The following THADA variants were observed in gnomAD, a reference collection of about 807,000 sequenced individuals.
The protein encoded by THADA is tRNA (32-2'-O)-methyltransferase regulator THADA.
In THADA, 213 loss-of-function variants were observed where a neutral mutation model predicts 219.8. The ratio of observed to expected loss-of-function variants is 0.97; its 90% confidence interval spans 0.87 to 1.09. The LOEUF (loss-of-function observed/expected upper bound fraction) is 1.09. Ranked by LOEUF, THADA falls within the 50% of genes least tolerant of loss-of-function variation. The pLI is 0.00. For synonymous variants in THADA, 1,018 were observed against 828.9 expected, an observed-to-expected ratio of 1.23 and a Z score of -3.92; for missense variants, 2,956 against 2,311.3, an observed-to-expected ratio of 1.28 and a Z score of -5.72.
intron 22 of THADA, among the ~76,000 whole-genome samples, chr2:43,521,997 T>G (rs1471962795): frequency 6.6e-6 from 1 of 152,228 alleles, no homozygotes; most frequent in African/African-American, 2.4e-5. Context: ...CCTCAAACTC[T>G]TTCAGTATGA....
At chr2:43,501,264 C>G (rs1688919000) in intron 24 of THADA, among the ~76,000 whole-genome samples, 1 of 122,258 alleles carries the variant, frequency 8.2e-6, no homozygotes, top group South Asian at 2.7e-4. Flanking sequence ...CAAGATTGCA[C>G]CATTGCACTC....
At chr2:43,514,666 A>AATATATAATATATTATATTATATATAAT (rs1403252899) in intron 22 of THADA, among the ~76,000 whole-genome samples, 19 of 86,698 alleles carry the variant, frequency 2.2e-4, no homozygotes, top group African/African-American at 9.4e-4. Context: ...TGTATATAAT[A>AATATATAATATATTATATTATATATAAT]ATATATAATA....
chr2:43,567,002 CTATAT>C (rs1198355877), intron 14 of THADA, among the ~76,000 whole-genome samples, 181 bp from the exon 15 acceptor site: 1 of 151,882 alleles, frequency 6.6e-6, no homozygotes, highest in Non-Finnish European at 1.5e-5. Flanking sequence ...TGACCATAAG[CTATAT>C]TATGACTTTA....
At position 43,552,247 on chromosome 2, in the gene THADA, G is replaced by A. The variant is rs1174263513; in HGVS notation, c.2767C>T (p.Arg923Ter). 2 of 1,611,436 alleles carry A rather than the reference G, an allele frequency of 1.2e-6. No homozygotes were observed. Among genetic ancestry groups the A allele is most frequent in the African/African-American group, 1.3e-5 (1 of 74,806 alleles). The change falls in exon 18 of 38, where the codon CGA (arginine) becomes TGA (stop). Residue 923 changes from arginine to a stop codon, truncating the protein, a stop_gained. Transcript: ENST00000405975. LOFTEE classifies it high-confidence loss of function. Reference sequence around the variant, plus strand: ...AAAGCTCCTGTTATACAGTGGACTCGCCCATACATTGGAAATGCTGCTGCT... The same window carrying A: ...AAAGCTCCTGTTATACAGTGGACTCACCCATACATTGGAAATGCTGCTGCT... ...QAAAAFPMYG[R>*]VHCITGALQK...
chr2:43,329,511 A>G (rs967838023), intron 30 of THADA, among the ~76,000 whole-genome samples: 5 of 152,218 alleles, frequency 3.3e-5, no homozygotes, highest in African/African-American at 1.2e-4. Context: ...GATAATAACA[A>G]TATCAACATC....
chr2:43,368,368 C>A (rs75773767), intron 29 of THADA, among the ~76,000 whole-genome samples: 4 of 152,100 alleles, frequency 2.6e-5, no homozygotes, highest in Non-Finnish European at 4.4e-5. Context: ...CTCTCAACAT[C>A]GTTAGCCCCT....
At chr2:43,589,686 G>A (rs944432214) in intron 4 of THADA, among the ~76,000 whole-genome samples, 2 of 152,198 alleles carry the variant, frequency 1.3e-5, no homozygotes, top group Admixed American at 6.5e-5. Flanking sequence ...TCAGGGGAAA[G>A]GGTGGGAAGG....
rs567652610 is a variant in THADA, at chr2:43,322,599, C to T, written c.4344-2059G>A. ...ATGAAATCCCTTTTCCACAACCCTACCCCCTGCCCATATACTGTTCTCGAG... is the reference window on the plus strand; with the variant it reads ...ATGAAATCCCTTTTCCACAACCCTATCCCCTGCCCATATACTGTTCTCGAG... On this transcript the variant is annotated intron_variant, in intron 30 of 37. Transcript: ENST00000405975. Among the ~76,000 whole-genome samples the T allele has an allele frequency of 7.9e-5, 12 of 151,950 alleles. 1 individual carries two copies. Among genetic ancestry groups the T allele is most frequent in the African/African-American group, 2.9e-4 (12 of 41,430 alleles).
chr2:43,587,036 A>G (rs1186221115), intron 4 of THADA, 34 bp from the exon 5 acceptor site: 1 of 1,590,384 alleles, frequency 6.3e-7, no homozygotes, highest in South Asian at 1.1e-5. Flanking sequence ...AAATCTGACA[A>G]TCTAATAGCC....
chr2:43,433,437 G>A (rs1366519790), intron 26 of THADA, among the ~76,000 whole-genome samples: 2 of 151,992 alleles, frequency 1.3e-5, no homozygotes, highest in African/African-American at 4.8e-5. Context: ...GCTGAGGCAG[G>A]AGAATCACTT....
rs1426352235 is a variant in THADA, at chr2:43,430,201, T to C, written c.3926+12A>G. On this transcript the variant is annotated intron_variant, in intron 27 of 37. Coordinates refer to ENST00000405975, the MANE Select transcript of THADA (RefSeq NM_022065.5). ...CTTGAGGTCATTTTGCCCCACCCAA[T>C]TCTCTTCTTACCTGTCTACTGTATT... is the stretch of plus-strand genomic sequence containing the variant. 6.9e-7 allele frequency: 1 copy of C among 1,449,128 alleles called. No homozygotes were observed. Among genetic ancestry groups the C allele is most frequent in the Non-Finnish European group, 9.2e-7 (1 of 1,082,654 alleles). The allele number at this position is 1,449,128 out of a possible 1,614,324, so 89.8% of individuals were successfully genotyped here. A position where few individuals can be genotyped will look rare whatever the true frequency, so the allele number is the denominator to read the frequency against.
intron 31 of THADA, among the ~76,000 whole-genome samples, chr2:43,307,236 G>C (rs777302954): frequency 2.0e-5 from 3 of 152,240 alleles, no homozygotes; most frequent in African/African-American, 4.8e-5. Context: ...AGTACAGAGA[G>C]GAGGAACCCA....
chr2:43,402,810 T>G (rs761599960), intron 28 of THADA, among the ~76,000 whole-genome samples: 3 of 152,170 alleles, frequency 2.0e-5, no homozygotes, highest in African/African-American at 2.4e-5. Flanking sequence ...GACTCCTGTG[T>G]GTGGGAGTAC....
chr2:43,554,830 G>A (rs1309696869), intron 17 of THADA, among the ~76,000 whole-genome samples: 1 of 152,034 alleles, frequency 6.6e-6, no homozygotes, highest in Non-Finnish European at 1.5e-5. Context: ...TAATATACAG[G>A]CTAAGTACTC....
intron 25 of THADA, among the ~76,000 whole-genome samples, chr2:43,495,214 T>G (rs886340945): frequency 6.6e-6 from 1 of 152,188 alleles, no homozygotes. Flanking sequence ...TTATCTTAGA[T>G]TTTTATACAG....
intron 29 of THADA, among the ~76,000 whole-genome samples, chr2:43,389,003 T>A (rs1409303555): frequency 2.0e-5 from 3 of 152,164 alleles, no homozygotes; most frequent in Non-Finnish European, 4.4e-5. Context: ...GCAACTAACA[T>A]TTACTGAGCA....
intron 31 of THADA, among the ~76,000 whole-genome samples, chr2:43,294,131 T>G (rs1255641232): frequency 6.6e-6 from 1 of 152,244 alleles, no homozygotes; most frequent in South Asian, 2.1e-4. Flanking sequence ...ATATCCCTGT[T>G]AAATTTTATC....
chr2:43,328,398 C>G (rs1679574657), intron 30 of THADA, among the ~76,000 whole-genome samples: 2 of 152,174 alleles, frequency 1.3e-5, no homozygotes, highest in African/African-American at 4.8e-5. Flanking sequence ...CAACATCCAT[C>G]CTGCCTTTCT....
intron 9 of THADA, among the ~76,000 whole-genome samples, chr2:43,578,068 CTTA>C (rs905889184): frequency 5.9e-5 from 9 of 151,340 alleles, no homozygotes; most frequent in Middle Eastern, 3.5e-3. Context: ...GGAATTGTCT[CTTA>C]TTATAACAGA....
Sources: gnomAD v4.1 joint callset for allele counts (sites outside exome capture counted in the v4.1 genomes callset) on GRCh38, gnomAD v4.1.1 for gene constraint, MANE v1.5 for transcripts, NCBI Gene and HGNC (gene_info 2026-07-23, HGNC 2026-07-21) for gene names.